ANOS1: variants seen among roughly 807,000 people sequenced by gnomAD.
ANOS1 encodes the protein anosmin-1.
Under a neutral mutation model 59.0 loss-of-function variants are expected in ANOS1, and 6 were observed. The ratio of observed to expected loss-of-function variants is 0.10; its 90% CI spans 0.06 to 0.20. The LOEUF is 0.20. Among genes scored for constraint, ANOS1 ranks in the 10% least tolerant of loss-of-function variants. The probability of loss-of-function intolerance (pLI) is 1.00; values close to 1 mark genes in which losing one functional copy is unlikely to be tolerated. For synonymous variants in ANOS1, 217 were observed against 223.4 expected, an observed-to-expected ratio of 0.97 and a Z score of 0.25; for missense variants, 433 against 542.3, an observed-to-expected ratio of 0.80 and a Z score of 2.00.
At chrX:8,724,142 G>A (rs1932894264) in intron 1 of ANOS1, among the ~76,000 whole-genome samples, 1 of 112,250 alleles carries the variant, frequency 8.9e-6, no homozygotes, top group East Asian at 2.8e-4. Flanking sequence ...TGAAGTCTTA[G>A]CTGAGAGTGT....
intron 3 of ANOS1, among the ~76,000 whole-genome samples, chrX:8,606,715 A>G (rs961183306): frequency 3.5e-5 from 4 of 112,976 alleles, no homozygotes; most frequent in African/African-American, 1.3e-4. Flanking sequence ...GTTTCTGCAC[A>G]GTAAACCATG....
At chrX:8,644,989 C>T (rs191017922) in intron 2 of ANOS1, among the ~76,000 whole-genome samples, 118 of 112,441 alleles carry the variant, frequency 1.0e-3, no homozygotes, top group Non-Finnish European at 1.8e-3. Context: ...TTCTCAGGAC[C>T]TTCTGAGGCC....
intron 11 of ANOS1, among the ~76,000 whole-genome samples, chrX:8,536,322 G>A (rs1309225894): frequency 1.9e-5 from 2 of 104,058 alleles, no homozygotes; most frequent in Non-Finnish European, 3.9e-5. Flanking sequence ...GGCATGAGCC[G>A]CCATGCCTGG....
At chrX:8,730,377 G>A (rs1262574500) in intron 1 of ANOS1, among the ~76,000 whole-genome samples, 1 of 112,412 alleles carries the variant, frequency 8.9e-6, no homozygotes, top group Non-Finnish European at 1.9e-5. Context: ...AGACGCAGAA[G>A]GACTACAGAG....
chrX:8,713,366 G>A (rs949374933), intron 1 of ANOS1, among the ~76,000 whole-genome samples: 7 of 110,035 alleles, frequency 6.4e-5, no homozygotes, highest in African/African-American at 2.3e-4. Context: ...ACTGACTGAA[G>A]CAGTGACTTT....
chrX:8,711,661 T>A (rs111947611), intron 1 of ANOS1, among the ~76,000 whole-genome samples: 64 of 112,550 alleles, frequency 5.7e-4, no homozygotes, highest in African/African-American at 1.8e-3. Flanking sequence ...ACGTAGAAGG[T>A]CTCAGAGAGC....
At chrX:8,730,921 G>C (rs1932969541) in intron 1 of ANOS1, among the ~76,000 whole-genome samples, 1 of 112,637 alleles carries the variant, frequency 8.9e-6, no homozygotes, top group Non-Finnish European at 1.9e-5. Flanking sequence ...CCCGCACCCG[G>C]AGCCTCGCGC....
chrX:8,609,069 G>T (rs1049656153), intron 3 of ANOS1, among the ~76,000 whole-genome samples: 1 of 111,947 alleles, frequency 8.9e-6, no homozygotes, highest in Admixed American at 9.5e-5. Context: ...ATAAGTTAAG[G>T]GACTGGTTCC....
intron 9 of ANOS1, among the ~76,000 whole-genome samples, chrX:8,549,019 C>A (rs1929814176): frequency 8.9e-6 from 1 of 112,067 alleles, no homozygotes; most frequent in Non-Finnish European, 1.9e-5. Flanking sequence ...GCCCAGGGTC[C>A]AAGTCACTAA....
chrX:8,559,058 T>G (rs1211226150), intron 8 of ANOS1, among the ~76,000 whole-genome samples: 1 of 111,714 alleles, frequency 9.0e-6, no homozygotes, highest in East Asian at 2.8e-4. Flanking sequence ...AGAGATAAAG[T>G]TTTTGTACCT....
chrX:8,723,774 T>C lies in ANOS1; in HGVS notation c.207+8056A>G, dbSNP rs932978962. ...TTGGGGTGTAGCTCCACTAGTTGCA[T>C]GCTGAGTAAATCCAATGTTGGCTGA... On this transcript the variant is annotated intron_variant, in intron 1 of 13. Coordinates refer to ENST00000262648, the MANE Select transcript of ANOS1 (RefSeq NM_000216.4). 3.6e-5 allele frequency among the ~76,000 whole-genome samples: 4 copies of C among 111,612 alleles called. No homozygotes were observed. The Admixed American group carries it at 3.8e-4, about 11-fold the overall frequency.
chrX:8,596,466 C>T lies in ANOS1; in HGVS notation c.541+568G>A, dbSNP rs182148585. Among the ~76,000 whole-genome samples the T allele has an allele frequency of 2.0e-4, 22 of 112,047 alleles. 1 individual carries two copies. The East Asian group carries it at 4.5e-3, about 23-fold the overall frequency. On this transcript the variant is annotated intron_variant, in intron 4 of 13. Transcript: ENST00000262648. ...ATTAAGGAGCTAAGTGCTCTAGAAA[C>T]GGCTTTTGAATATAAACTATTGCAT...
intron 2 of ANOS1, among the ~76,000 whole-genome samples, chrX:8,697,355 G>A (rs911797398): frequency 8.9e-6 from 1 of 111,985 alleles, no homozygotes; most frequent in African/African-American, 3.2e-5. Context: ...TGAGTGAGAC[G>A]GAAATGAATC....
intron 2 of ANOS1, among the ~76,000 whole-genome samples, chrX:8,652,987 C>T (rs1931874005): frequency 9.0e-6 from 1 of 110,660 alleles, no homozygotes; most frequent in African/African-American, 3.3e-5. Flanking sequence ...TCCCGAGTAG[C>T]TGAGACTACA....
intron 4 of ANOS1, among the ~76,000 whole-genome samples, chrX:8,589,398 AT>A (rs1930577204): frequency 1.8e-5 from 2 of 111,822 alleles, no homozygotes; most frequent in Non-Finnish European, 1.9e-5. Context: ...TACATGTTGA[AT>A]AGGAGATAAC....
At chrX:8,651,514 G>A (rs1232011519) in intron 2 of ANOS1, among the ~76,000 whole-genome samples, 1 of 112,396 alleles carries the variant, frequency 8.9e-6, no homozygotes, top group Non-Finnish European at 1.9e-5. Flanking sequence ...CCAATGGGTA[G>A]CCAAGTGTCT....
intron 13 of ANOS1, among the ~76,000 whole-genome samples, 177 bp from the exon 14 acceptor site, chrX:8,533,230 T>C (rs1929529590): frequency 8.9e-6 from 1 of 112,010 alleles, no homozygotes; most frequent in Non-Finnish European, 1.9e-5. Flanking sequence ...TTTCCTGTTT[T>C]TCTCTTCCTC....
intron 2 of ANOS1, among the ~76,000 whole-genome samples, chrX:8,628,744 C>T (rs909573310): frequency 3.6e-5 from 4 of 112,290 alleles, no homozygotes; most frequent in Admixed American, 1.9e-4. Context: ...TCATTTCTTC[C>T]GAGGCTACTG....
intron 1 of ANOS1, among the ~76,000 whole-genome samples, chrX:8,725,661 T>C: frequency 1.9e-5 from 1 of 52,610 alleles, no homozygotes; most frequent in African/African-American, 1.4e-4. Context: ...GATATATATA[T>C]ATACAGATAT....
Sources: allele counts gnomAD v4.1 joint callset (sites outside exome capture counted in the v4.1 genomes callset), GRCh38; gene constraint gnomAD v4.1.1; transcripts MANE v1.5; gene names NCBI Gene and HGNC (gene_info 2026-07-23, HGNC 2026-07-21).